ABTB3: variants seen among roughly 807,000 people sequenced by gnomAD.
The protein encoded by ABTB3 is ankyrin repeat and BTB domain containing 3, also known as ankyrin repeat- and BTB/POZ domain-containing protein 3.
the ABTB3 span, among the ~76,000 whole-genome samples, chr12:107,403,703 T>C: frequency 1.3e-5 from 2 of 152,148 alleles, no homozygotes; most frequent in Non-Finnish European, 2.9e-5. Context: ...AGGGAACACT[T>C]TGCAGTCAGG....
At chr12:107,428,943 G>A in the ABTB3 span, among the ~76,000 whole-genome samples, 4 of 152,212 alleles carry the variant, frequency 2.6e-5, no homozygotes, top group Non-Finnish European at 5.9e-5. Flanking sequence ...AGGCGATGAG[G>A]TTTGTTCAAA....
the ABTB3 span, among the ~76,000 whole-genome samples, chr12:107,321,854 GCTCCTTACCCA>G: frequency 6.6e-6 from 1 of 152,098 alleles, no homozygotes; most frequent in Non-Finnish European, 1.5e-5. Context: ...CTGACTCCCA[GCTCCTTACCCA>G]CCTTCTGGGC....
At chr12:107,344,065 CA>C in the ABTB3 span, among the ~76,000 whole-genome samples, 8 of 152,184 alleles carry the variant, frequency 5.3e-5, no homozygotes, top group African/African-American at 1.9e-4. Flanking sequence ...CCAGCCTTAA[CA>C]CATGGATTCC....
chr12:107,410,013 T>C, the ABTB3 span, among the ~76,000 whole-genome samples: 2 of 152,088 alleles, frequency 1.3e-5, no homozygotes, highest in East Asian at 3.9e-4. Context: ...CTTGAGCAAC[T>C]GAACACGTTG....
the ABTB3 span, among the ~76,000 whole-genome samples, chr12:107,512,234 A>G: frequency 1.3e-5 from 2 of 152,252 alleles, no homozygotes; most frequent in African/African-American, 2.4e-5. Context: ...GTTATTTCCA[A>G]CAGATTTTGA....
At chr12:107,318,626 A>T in the ABTB3 span, 1 of 265,478 alleles carries the variant, frequency 3.8e-6, no homozygotes, top group Non-Finnish European at 7.1e-6. Context: ...CTCAGGGAAG[A>T]GCGGTCTAGA....
At chr12:107,448,072 G>A in the ABTB3 span, among the ~76,000 whole-genome samples, 1 of 152,204 alleles carries the variant, frequency 6.6e-6, no homozygotes, top group African/African-American at 2.4e-5. Flanking sequence ...GTGAAAGTAA[G>A]TTCTGTAATC....
chr12:107,624,444 TC>T, the ABTB3 span, among the ~76,000 whole-genome samples: 1 of 152,178 alleles, frequency 6.6e-6, no homozygotes, highest in East Asian at 1.9e-4. Flanking sequence ...TGCAGAAAAT[TC>T]CCATCACCAC....
the ABTB3 span, among the ~76,000 whole-genome samples, chr12:107,335,286 C>CA: frequency 5.8e-3 from 109 of 18,646 alleles, 44 homozygotes; most frequent in East Asian, 0.016. Context: ...GACCTTGTCT[C>CA]AAAAAAAAAA....
the ABTB3 span, among the ~76,000 whole-genome samples, chr12:107,483,466 C>A: frequency 1.1e-4 from 16 of 152,198 alleles, no homozygotes; most frequent in Non-Finnish European, 2.1e-4. Flanking sequence ...GACCCTCTGA[C>A]ATTGCAGACG....
chr12:107,603,724 C>A, the ABTB3 span, among the ~76,000 whole-genome samples: 2 of 152,280 alleles, frequency 1.3e-5, no homozygotes, highest in South Asian at 4.1e-4. Context: ...AATTAAAGAG[C>A]TTCTGCACAG....
chr12:107,492,494 C>T, the ABTB3 span, among the ~76,000 whole-genome samples: 1 of 152,122 alleles, frequency 6.6e-6, no homozygotes, highest in Non-Finnish European at 1.5e-5. Context: ...AAGCTAGCAC[C>T]TTTCCTGCCA....
At chr12:107,494,666 T>C in the ABTB3 span, among the ~76,000 whole-genome samples, 1 of 152,186 alleles carries the variant, frequency 6.6e-6, no homozygotes, top group South Asian at 2.1e-4. Flanking sequence ...TTTCGGAGCC[T>C]GGGCATCTCC....
chr12:107,640,260 C>A, the ABTB3 span: 2 of 1,077,686 alleles, frequency 1.9e-6, no homozygotes, highest in Non-Finnish European at 2.8e-6. Flanking sequence ...TAAATCTAAA[C>A]TTCATCCTTT....
At chr12:107,469,861 C>CT in the ABTB3 span, among the ~76,000 whole-genome samples, 249 of 143,712 alleles carry the variant, frequency 1.7e-3, 6 homozygotes, top group East Asian at 0.014. Flanking sequence ...CTCTTTCTTT[C>CT]TTTCTTTTCT....
the ABTB3 span, among the ~76,000 whole-genome samples, chr12:107,524,636 T>C: frequency 6.6e-6 from 1 of 152,188 alleles, no homozygotes; most frequent in East Asian, 1.9e-4. Flanking sequence ...TTCGATGATA[T>C]GGGAATGGAA....
chr12:107,474,738 T>C, the ABTB3 span, among the ~76,000 whole-genome samples: 2 of 151,958 alleles, frequency 1.3e-5, no homozygotes, highest in African/African-American at 2.4e-5. Flanking sequence ...TATTACATTT[T>C]ACCAACCTTT....
At chr12:107,534,273 C>T in the ABTB3 span, among the ~76,000 whole-genome samples, 1 of 149,456 alleles carries the variant, frequency 6.7e-6, no homozygotes, top group East Asian at 2.0e-4. Flanking sequence ...CATAACATAC[C>T]AAGATCTATA....
the ABTB3 span, among the ~76,000 whole-genome samples, chr12:107,385,114 T>A: frequency 6.6e-6 from 1 of 152,234 alleles, no homozygotes; most frequent in Non-Finnish European, 1.5e-5. Flanking sequence ...ATCTAGCTTT[T>A]TCTTTCCTCG....
Sources: allele counts gnomAD v4.1 joint callset (sites outside exome capture counted in the v4.1 genomes callset), GRCh38; gene constraint gnomAD v4.1.1; transcripts MANE v1.5; gene names NCBI Gene and HGNC (gene_info 2026-07-23, HGNC 2026-07-21).